The following C11orf54 variants were observed in gnomAD, a reference collection of about 807,000 sequenced individuals.
The protein encoded by C11orf54 is beta-keto L-gulonate decarboxylase.
In C11orf54, 29 loss-of-function variants were observed where a neutral mutation model predicts 35.5. That is an observed-to-expected ratio of 0.82 (90% CI 0.61 to 1.11). The LOEUF is 1.11. C11orf54 is among the 50% of genes most tolerant of loss of function. The probability of loss-of-function intolerance (pLI) is 0.00; values close to 1 mark genes in which losing one functional copy is unlikely to be tolerated. For synonymous variants in C11orf54, 108 were observed against 121.1 expected, an observed-to-expected ratio of 0.89 and a Z score of 0.71; for missense variants, 373 against 369.2, an observed-to-expected ratio of 1.01 and a Z score of -0.08.
intron 8 of C11orf54, among the ~76,000 whole-genome samples, chr11:93,761,056 T>C (rs1943439074): frequency 6.6e-6 from 1 of 152,188 alleles, no homozygotes; most frequent in African/African-American, 2.4e-5. Context: ...ATTATTACAG[T>C]ATTGTTGTAG....
In C11orf54 at chr11:93,761,789, G is replaced by C; in HGVS notation, c.*101G>C. 8.4e-7 allele frequency: 1 copy of C among 1,184,602 alleles called. No homozygotes were observed. The highest frequency in any genetic ancestry group is 1.1e-6 in the Non-Finnish European group (1 of 884,588). 73.4% of individuals were successfully genotyped at this position (1,184,602 alleles called of 1,614,324 possible). ...AAAACCAATAGAAATGATCCCACAG[G>C]CCAGGCACAATGGCTCATGCCTATA... On this transcript the variant is annotated 3_prime_UTR_variant, in exon 9 of 9. Coordinates refer to ENST00000354421, the MANE Select transcript of C11orf54 (RefSeq NM_001286069.2).
intron 2 of C11orf54, among the ~76,000 whole-genome samples, chr11:93,748,036 C>T (rs1942578437): frequency 6.6e-6 from 1 of 152,172 alleles, no homozygotes; most frequent in African/African-American, 2.4e-5. Context: ...AGAATACTAA[C>T]CTTTATTTAA....
intron 8 of C11orf54, among the ~76,000 whole-genome samples, chr11:93,760,430 G>T (rs925822888): frequency 6.6e-6 from 1 of 152,044 alleles, no homozygotes; most frequent in African/African-American, 2.4e-5. Flanking sequence ...ATGGTCACAT[G>T]CCCCAGTATT....
At chr11:93,750,504 A>G in intron 3 of C11orf54, 60 bp downstream of exon 3, 1 of 1,280,950 alleles carries the variant, frequency 7.8e-7, no homozygotes. Context: ...TGAAACTAGA[A>G]TTATTTTTAA....
chr11:93,763,431 A>G lies in C11orf54; in HGVS notation c.*1743A>G, dbSNP rs1943554406. On this transcript the variant is annotated 3_prime_UTR_variant, in exon 9 of 9. Transcript: ENST00000354421. ...CGCACTGAGACAGGATGCATTCCAC[A>G]CTCAAAATTTGGTTCACATGTCCAG... 1 of 152,130 alleles carries G rather than the reference A, an allele frequency of 6.6e-6. No individual in the cohort carries two copies. Among genetic ancestry groups the G allele is most frequent in the Admixed American group, 6.6e-5 (1 of 15,258 alleles). 9.4% of individuals were successfully genotyped at this position (152,130 alleles called of 1,614,324 possible).
At chr11:93,743,558 G>C (rs1012801576) in intron 1 of C11orf54, among the ~76,000 whole-genome samples, 3 of 152,192 alleles carry the variant, frequency 2.0e-5, no homozygotes, top group Non-Finnish European at 4.4e-5. Flanking sequence ...GAGGGTGCGT[G>C]GGGGTGAGCA....
intron 1 of C11orf54, among the ~76,000 whole-genome samples, chr11:93,742,427 G>A (rs2135561021): frequency 6.6e-6 from 1 of 152,194 alleles, no homozygotes; most frequent in Admixed American, 6.5e-5. Flanking sequence ...GAGATTACAG[G>A]CGTGCGCCAC....
At chr11:93,754,934 A>G (rs1204843281) in intron 5 of C11orf54, 4 of 204,758 alleles carry the variant, frequency 2.0e-5, no homozygotes, top group Admixed American at 1.7e-4. Flanking sequence ...GGTTTTCACC[A>G]TGTTGGCCAG....
chr11:93,755,980 A>G (rs1345294939), intron 6 of C11orf54, among the ~76,000 whole-genome samples: 2 of 151,964 alleles, frequency 1.3e-5, no homozygotes, highest in African/African-American at 4.8e-5. Context: ...CAGTCTGGCC[A>G]ACATAGCGAA....
At chr11:93,758,659 C>A (rs1943294812) in intron 7 of C11orf54, among the ~76,000 whole-genome samples, 1 of 152,262 alleles carries the variant, frequency 6.6e-6, no homozygotes, top group South Asian at 2.1e-4. Context: ...GCACTGCTGA[C>A]ACACCAGCCC....
chr11:93,759,363 G>C (rs1943335615), intron 7 of C11orf54, among the ~76,000 whole-genome samples: 1 of 152,160 alleles, frequency 6.6e-6, no homozygotes, highest in African/African-American at 2.4e-5. Flanking sequence ...GATGAAGCTG[G>C]AAACCATCAT....
chr11:93,749,535 GGCT>G (rs1942699754), intron 2 of C11orf54, among the ~76,000 whole-genome samples: 1 of 148,620 alleles, frequency 6.7e-6, no homozygotes, highest in Admixed American at 6.7e-5. Context: ...AAACTGTTGA[GGCT>G]AGGTGTGATG....
In C11orf54 at chr11:93,747,360, A is replaced by G. The variant is rs1942530265; in HGVS notation, c.-34A>G. On this transcript the variant is annotated 5_prime_UTR_variant, in exon 2 of 9. Coordinates refer to ENST00000354421, the MANE Select transcript of C11orf54 (RefSeq NM_001286069.2). Reference sequence around the variant, plus strand: ...GTGATAATTAACCAAGAGTAGCTCTATTTGTCCAACCTCACACCTAAAGAA... The same window carrying G: ...GTGATAATTAACCAAGAGTAGCTCTGTTTGTCCAACCTCACACCTAAAGAA... 1.9e-6 allele frequency: 3 copies of G among 1,545,628 alleles called. No individual in the cohort carries two copies. The highest frequency in any genetic ancestry group is 2.4e-5 in the East Asian group (1 of 42,100).
At chr11:93,752,182 T>C (rs746642497) in intron 3 of C11orf54, among the ~76,000 whole-genome samples, 13 of 152,148 alleles carry the variant, frequency 8.5e-5, no homozygotes, top group Non-Finnish European at 1.5e-4. Flanking sequence ...TGCAGAGTTA[T>C]GCTTGGAAGA....
intron 3 of C11orf54, 56 bp downstream of exon 3, chr11:93,750,500 T>C: frequency 1.5e-6 from 2 of 1,301,688 alleles, no homozygotes; most frequent in South Asian, 2.5e-5. Context: ...TTTCTGAAAC[T>C]AGAATTATTT....
At position 93,755,216 on chromosome 11, in the gene C11orf54, C is replaced by A; in HGVS notation, c.337C>A (p.Pro113Thr). 6.2e-7 allele frequency: 1 copy of A among 1,613,508 alleles called. No homozygotes were observed. The highest frequency in any genetic ancestry group is 8.5e-7 in the Non-Finnish European group (1 of 1,179,686). The change falls in exon 6 of 9, where the codon CCA becomes ACA. Residue 113 changes from proline to threonine, a missense_variant. Pro to Thr is a conservative substitution (Grantham distance 38). Transcript: ENST00000354421. ...QTLGFNSEFMPVIQTESEHKP... is the reference protein window; with the variant it reads ...QTLGFNSEFMTVIQTESEHKP... ...TGCCTCACTTTCTTTTCAGTTTATGCCAGTTATTCAGACAGAAAGTGAACA... is the reference window on the plus strand; with the variant it reads ...TGCCTCACTTTCTTTTCAGTTTATGACAGTTATTCAGACAGAAAGTGAACA...
intron 2 of C11orf54, 116 bp downstream of exon 2, chr11:93,747,564 CAAAA>C (rs2135587136): frequency 1.4e-4 from 83 of 590,578 alleles, no homozygotes; most frequent in Non-Finnish European, 1.8e-4. Flanking sequence ...TCTTACTTAT[CAAAA>C]TAATACTTTT....
Position 93,761,774 on chromosome 11 carries a change from G to T in C11orf54, c.*86G>T. ...AATTAATACTGATATAAAACCAATAGAAATGATCCCACAGGCCAGGCACAA... is the reference window on the plus strand; with the variant it reads ...AATTAATACTGATATAAAACCAATATAAATGATCCCACAGGCCAGGCACAA... On this transcript the variant is annotated 3_prime_UTR_variant, in exon 9 of 9. Transcript: ENST00000354421. 7.7e-7 allele frequency: 1 copy of T among 1,296,362 alleles called. No homozygotes were observed. The allele number at this position is 1,296,362 out of a possible 1,614,324, so 80.3% of individuals were successfully genotyped here.
chr11:93,755,059 T>C, intron 5 of C11orf54, 151 bp from the exon 6 acceptor site: 3 of 873,418 alleles, frequency 3.4e-6, no homozygotes, highest in Non-Finnish European at 5.0e-6. Context: ...CCAAGTTTTT[T>C]ATGTCTAAAA....
Sources: gnomAD v4.1 joint callset for allele counts (sites outside exome capture counted in the v4.1 genomes callset) on GRCh38, gnomAD v4.1.1 for gene constraint, MANE v1.5 for transcripts, NCBI Gene and HGNC (gene_info 2026-07-23, HGNC 2026-07-21) for gene names.